BRINP3: variants seen among roughly 807,000 people sequenced by gnomAD.
The protein encoded by BRINP3 is BMP/retinoic acid inducible neural specific 3.
A neutral mutation model predicts 71.0 loss-of-function variants in BRINP3; 19 were observed. The ratio of observed to expected loss-of-function variants is 0.27; its 90% confidence interval spans 0.19 to 0.39. The LOEUF (loss-of-function observed/expected upper bound fraction) is 0.39. BRINP3 is among the 10% of genes least tolerant of loss of function. The probability of loss-of-function intolerance (pLI) is 1.00; values close to 1 mark genes in which losing one functional copy is unlikely to be tolerated. For missense variants in BRINP3, 959 were observed against 940.8 expected (o/e 1.02, Z -0.25); for synonymous variants, 380 against 337.7 (o/e 1.13, Z -1.37).
intron 2 of BRINP3, among the ~76,000 whole-genome samples, chr1:190,301,210 T>TATATACACATAC (rs766749833): frequency 2.8e-5 from 3 of 107,828 alleles, no homozygotes; most frequent in African/African-American, 1.2e-4. Flanking sequence ...CATACATATA[T>TATATACACATAC]ATATATATAT....
In BRINP3 at chr1:190,323,349, C is replaced by A. The variant is rs141247141; in HGVS notation, c.237-41599G>T. ...TCTCAGTCTCAAAAAATGTTGCATA[C>A]CAAAATGATGACTTGATTTTCAAAT... is the stretch of plus-strand genomic sequence containing the variant. On this transcript the variant is annotated intron_variant, in intron 2 of 7. Transcript: ENST00000367462. Among the ~76,000 whole-genome samples, 3 of 151,746 alleles carry A rather than the reference C, an allele frequency of 2.0e-5. No homozygotes were observed. The East Asian group carries it at 5.8e-4, about 29-fold the overall frequency.
intron 2 of BRINP3, among the ~76,000 whole-genome samples, chr1:190,329,420 A>C (rs538948576): frequency 1.1e-4 from 17 of 151,974 alleles, no homozygotes; most frequent in Non-Finnish European, 2.2e-4. Flanking sequence ...ATAATACAAT[A>C]CCATTTACAA....
intron 4 of BRINP3, among the ~76,000 whole-genome samples, chr1:190,239,412 C>A (rs1481299788): frequency 6.6e-6 from 1 of 151,898 alleles, no homozygotes; most frequent in Admixed American, 6.6e-5. Context: ...GTTTATTTTG[C>A]CTAATCTTGA....
intron 2 of BRINP3, among the ~76,000 whole-genome samples, chr1:190,284,173 T>C (rs1269409305): frequency 6.6e-6 from 1 of 152,008 alleles, no homozygotes; most frequent in Non-Finnish European, 1.5e-5. Flanking sequence ...AAATCCATGA[T>C]CTATTCTGAC....
At chr1:190,473,825 C>G (rs1372675218) in intron 1 of BRINP3, among the ~76,000 whole-genome samples, 3 of 147,170 alleles carry the variant, frequency 2.0e-5, no homozygotes, top group Admixed American at 6.8e-5. Flanking sequence ...CAAAGATTTT[C>G]ATACTGGGGT....
intron 7 of BRINP3, among the ~76,000 whole-genome samples, chr1:190,155,276 C>T (rs955125914): frequency 3.9e-5 from 6 of 152,058 alleles, no homozygotes; most frequent in African/African-American, 1.4e-4. Context: ...TGAATAACTT[C>T]ATAATAATAA....
intron 1 of BRINP3, among the ~76,000 whole-genome samples, chr1:190,456,131 T>C (rs1675968444): frequency 6.6e-6 from 1 of 152,188 alleles, no homozygotes; most frequent in Non-Finnish European, 1.5e-5. Flanking sequence ...TTCTCTGGTA[T>C]TTGAATAAGA....
At chr1:190,258,500 G>A in intron 4 of BRINP3, among the ~76,000 whole-genome samples, 1 of 151,728 alleles carries the variant, frequency 6.6e-6, no homozygotes, top group East Asian at 1.9e-4. Context: ...TGAAAAAAAA[G>A]TTTACCTTGA....
rs558298386 is a variant in BRINP3, at chr1:190,158,844, T to C, written c.1184+1824A>G. 2.0e-5 allele frequency among the ~76,000 whole-genome samples: 3 copies of C among 151,548 alleles called. No individual in the cohort carries two copies. In the East Asian group the frequency reaches 5.9e-4, roughly 30 times the overall value. ...AATGAAAATGAGGTTGAAAAACTTT[T>C]AGCTAAACTGACCACAGGGAGGGGG... On this transcript the variant is annotated intron_variant, in intron 7 of 7. Transcript: ENST00000367462.
At chr1:190,167,047 T>A (rs1651615695) in intron 6 of BRINP3, among the ~76,000 whole-genome samples, 1 of 152,074 alleles carries the variant, frequency 6.6e-6, no homozygotes, top group African/African-American at 2.4e-5. Context: ...TTTTACTGTT[T>A]CCTGTGTAGC....
intron 7 of BRINP3, among the ~76,000 whole-genome samples, chr1:190,105,313 A>C (rs1652058586): frequency 6.6e-6 from 1 of 152,024 alleles, no homozygotes; most frequent in African/African-American, 2.4e-5. Context: ...ACACACACAC[A>C]CTTTAATTTA....
At chr1:190,458,107 G>A (rs1467503801) in intron 1 of BRINP3, among the ~76,000 whole-genome samples, 1 of 151,826 alleles carries the variant, frequency 6.6e-6, no homozygotes. Context: ...GTAATTATGA[G>A]GTAATTATCA....
At chr1:190,174,465 T>A (rs1471779552) in intron 6 of BRINP3, among the ~76,000 whole-genome samples, 1 of 152,110 alleles carries the variant, frequency 6.6e-6, no homozygotes, top group East Asian at 1.9e-4. Context: ...CATTGGATTA[T>A]AAACACATAA....
At chr1:190,369,561 A>G (rs1454224839) in intron 2 of BRINP3, among the ~76,000 whole-genome samples, 1 of 152,094 alleles carries the variant, frequency 6.6e-6, no homozygotes, top group African/African-American at 2.4e-5. Context: ...TAAATGTACA[A>G]TCTCTGAGTA....
At chr1:190,409,586 G>C (rs988968422) in intron 2 of BRINP3, among the ~76,000 whole-genome samples, 3 of 152,112 alleles carry the variant, frequency 2.0e-5, no homozygotes, top group African/African-American at 7.2e-5. Context: ...TGATGGAGGA[G>C]GTTTCAAGCA....
chr1:190,409,200 G>A (rs1047414677), intron 2 of BRINP3, among the ~76,000 whole-genome samples: 6 of 152,098 alleles, frequency 3.9e-5, no homozygotes, highest in South Asian at 2.1e-4. Context: ...CCTGGAGTTC[G>A]AGACTATCCT....
intron 2 of BRINP3, among the ~76,000 whole-genome samples, chr1:190,442,506 T>C (rs904496221): frequency 1.3e-5 from 2 of 152,142 alleles, no homozygotes. Context: ...TTTTCAACTA[T>C]TTCAAAAGAG....
intron 2 of BRINP3, among the ~76,000 whole-genome samples, chr1:190,334,680 T>C (rs1667174079): frequency 6.6e-6 from 1 of 151,772 alleles, no homozygotes; most frequent in Non-Finnish European, 1.5e-5. Flanking sequence ...AGATGATTTG[T>C]CTGGGTGTTT....
chr1:190,325,144 C>T (rs1403529799), intron 2 of BRINP3, among the ~76,000 whole-genome samples: 1 of 151,760 alleles, frequency 6.6e-6, no homozygotes, highest in African/African-American at 2.4e-5. Flanking sequence ...AAAAAGCTTG[C>T]TCATATAAAA....
Sources: allele counts gnomAD v4.1 joint callset (sites outside exome capture counted in the v4.1 genomes callset), GRCh38; gene constraint gnomAD v4.1.1; transcripts MANE v1.5; gene names NCBI Gene and HGNC (gene_info 2026-07-23, HGNC 2026-07-21).